GFRA2: variants seen among roughly 807,000 people sequenced by gnomAD.
GFRA2 encodes GDNF family receptor alpha 2.
Under a neutral mutation model 48.3 loss-of-function variants are expected in GFRA2, and 17 were observed. The observed-to-expected ratio is 0.35, with a 90% CI of 0.24 to 0.53. The LOEUF is 0.53. Among genes scored for constraint, GFRA2 ranks in the 20% least tolerant of loss-of-function variants. The pLI, the probability that GFRA2 is intolerant of heterozygous loss-of-function variation, is 0.93. For missense variants in GFRA2, 660 were observed against 637.3 expected, an observed-to-expected ratio of 1.04 and a Z score of -0.38; for synonymous variants, 305 against 257.2, an observed-to-expected ratio of 1.19 and a Z score of -1.78.
intron 2 of GFRA2, among the ~76,000 whole-genome samples, chr8:21,777,881 T>G (rs1806786866): frequency 6.6e-6 from 1 of 152,110 alleles, no homozygotes; most frequent in Non-Finnish European, 1.5e-5. Context: ...ATGGTAGGGG[T>G]GAGCCCGAAT....
intron 3 of GFRA2, among the ~76,000 whole-genome samples, chr8:21,753,023 T>C (rs573808119): frequency 1.5e-4 from 23 of 152,078 alleles, no homozygotes; most frequent in African/African-American, 5.1e-4. Flanking sequence ...CCCATGACAA[T>C]CTTCTCTCAT....
At chr8:21,710,618 G>C (rs1802975148) in intron 4 of GFRA2, among the ~76,000 whole-genome samples, 1 of 152,204 alleles carries the variant, frequency 6.6e-6, no homozygotes, top group Non-Finnish European at 1.5e-5. Flanking sequence ...AGGGCCCCTT[G>C]GCTAGGCCCC....
At chr8:21,742,581 T>C (rs1047126571) in intron 4 of GFRA2, among the ~76,000 whole-genome samples, 30 of 152,268 alleles carry the variant, frequency 2.0e-4, no homozygotes, top group African/African-American at 7.0e-4. Flanking sequence ...TCCATGCCAG[T>C]GAGTGAAAGC....
rs375235798 is a variant in GFRA2 at position 21,704,194 on chromosome 8, C to A, written c.1045+791G>T. On this transcript the variant is annotated intron_variant, in intron 6 of 8. Coordinates refer to ENST00000524240, the MANE Select transcript of GFRA2 (RefSeq NM_001495.5). The stretch of plus-strand genomic sequence containing the variant: ...GCCCAGGGTGGACTGGCAGGCGCCC[C>A]CTGCCTCTTCAACTGACCGATGCCC... 5.7e-3 allele frequency among the ~76,000 whole-genome samples: 862 copies of A among 152,334 alleles called. 8 individuals carry two copies. The highest frequency in any genetic ancestry group is 0.024 in the South Asian group (117 of 4,826).
Position 21,782,869 on chromosome 8 carries a change from GA to G in GFRA2, c.70del (p.Ser24ProfsTer76). Reference sequence around the variant, plus strand: ...GTGGAGCTCGGGGCCCTGCAGGGAGGAAGGGCTGGCCAAAGAGCGGAGGGTC... The same window carrying G: ...GTGGAGCTCGGGGCCCTGCAGGGAGGAGGGCTGGCCAAAGAGCGGAGGGTC... ...DETLRSLASPSSLQGPELHGW... is the reference protein window; with the variant it reads ...DETLRSLASPXSLQGPELHGW... On this transcript the variant is annotated frameshift_variant, in exon 2 of 9. Coordinates refer to ENST00000524240, the MANE Select transcript of GFRA2 (RefSeq NM_001495.5). LOFTEE classifies it high-confidence loss of function. 6.4e-7 allele frequency: 1 copy of G among 1,566,170 alleles called. No individual in the cohort carries two copies. The highest frequency in any genetic ancestry group is 8.6e-7 in the Non-Finnish European group (1 of 1,163,304).
intron 4 of GFRA2, among the ~76,000 whole-genome samples, chr8:21,725,247 T>C (rs1436136687): frequency 6.6e-6 from 1 of 152,266 alleles, no homozygotes; most frequent in African/African-American, 2.4e-5. Flanking sequence ...TGGGTTGTTC[T>C]GATCGAGCTC....
At chr8:21,781,302 T>A (rs1307431558) in intron 2 of GFRA2, among the ~76,000 whole-genome samples, 1 of 152,096 alleles carries the variant, frequency 6.6e-6, no homozygotes, top group African/African-American at 2.4e-5. Context: ...GATCCCTCCC[T>A]GTGCCCCTAA....
At chr8:21,693,799 G>GA (rs1802001978) in intron 8 of GFRA2, among the ~76,000 whole-genome samples, 5 of 148,440 alleles carry the variant, frequency 3.4e-5, no homozygotes, top group Admixed American at 1.3e-4. Context: ...AAGGAGAGAG[G>GA]AAGGGAAGGG....
intron 7 of GFRA2, 82 bp from the exon 8 acceptor site, chr8:21,694,599 C>G: frequency 7.7e-7 from 1 of 1,293,374 alleles, no homozygotes; most frequent in Non-Finnish European, 1.1e-6. Flanking sequence ...GATGAGGCCC[C>G]GCCATGCACT....
chr8:21,804,569 G>A (rs1807826814), intron 2 of GFRA2, among the ~76,000 whole-genome samples: 1 of 152,044 alleles, frequency 6.6e-6, no homozygotes, highest in African/African-American at 2.4e-5. Context: ...TCACACCCCT[G>A]AAGCAGCCCC....
intron 2 of GFRA2, chr8:21,797,785 T>C (rs1585351640): frequency 6.6e-6 from 1 of 152,136 alleles, no homozygotes; most frequent in Non-Finnish European, 1.5e-5. Flanking sequence ...TATGCCAATA[T>C]GGAATTTGCC....
At chr8:21,764,874 A>G (rs1372134586) in intron 3 of GFRA2, among the ~76,000 whole-genome samples, 1 of 152,166 alleles carries the variant, frequency 6.6e-6, no homozygotes, top group Non-Finnish European at 1.5e-5. Flanking sequence ...GCAAAGCTTG[A>G]AAGAGTAGAT....
chr8:21,750,951 G>C lies in GFRA2; in HGVS notation c.440-9C>G. On this transcript the variant is annotated splice_polypyrimidine_tract_variant and intron_variant, in intron 3 of 8. Coordinates refer to ENST00000524240, the MANE Select transcript of GFRA2 (RefSeq NM_001495.5). This position sits in a 1 kb window ranked among gnomAD's most constrained non-coding sequence, Gnocchi z 5.7. ...CGGGTCTGCCCCTGTCCCTGGAGGA[G>C]GAACAAGAGAGCAGGTCAGAGGCCA... The C allele has an allele frequency of 6.3e-7, 1 of 1,594,548 alleles. No individual in the cohort carries two copies. The highest frequency in any genetic ancestry group is 8.6e-7 in the Non-Finnish European group (1 of 1,165,572).
At chr8:21,799,680 C>T (rs1807738629) in intron 2 of GFRA2, among the ~76,000 whole-genome samples, 3 of 152,296 alleles carry the variant, frequency 2.0e-5, no homozygotes, top group South Asian at 4.1e-4. Context: ...ATCCCCTGCC[C>T]ACCACCCTCC....
At chr8:21,795,339 CTGAAACACA>C (rs1383433639) in intron 2 of GFRA2, among the ~76,000 whole-genome samples, 2 of 152,018 alleles carry the variant, frequency 1.3e-5, no homozygotes, top group Non-Finnish European at 2.9e-5. Flanking sequence ...AGACAACAAA[CTGAAACACA>C]TTGTCTTTTT....
chr8:21,781,017 T>C (rs951428950), intron 2 of GFRA2: 2 of 152,008 alleles, frequency 1.3e-5, no homozygotes, highest in African/African-American at 4.8e-5. Flanking sequence ...TCCCAACACT[T>C]AGGGAGGCCG....
At chr8:21,807,303 C>T (rs1807890553) in intron 1 of GFRA2, among the ~76,000 whole-genome samples, 1 of 152,166 alleles carries the variant, frequency 6.6e-6, no homozygotes, top group South Asian at 2.1e-4. Context: ...GTCTTGCTCA[C>T]TCTCACCCTC....
intron 4 of GFRA2, among the ~76,000 whole-genome samples, chr8:21,720,938 C>G (rs1343868400): frequency 6.6e-6 from 1 of 150,558 alleles, no homozygotes; most frequent in Non-Finnish European, 1.5e-5. Context: ...AAAGAAATGC[C>G]TGACACTCAA....
At chr8:21,700,583 T>C (rs1378708971) in intron 7 of GFRA2, among the ~76,000 whole-genome samples, 1 of 152,152 alleles carries the variant, frequency 6.6e-6, no homozygotes, top group Non-Finnish European at 1.5e-5. Flanking sequence ...GCCAACTGGC[T>C]GTGGGGCTGT....
Sources: gnomAD v4.1 joint callset for allele counts (sites outside exome capture counted in the v4.1 genomes callset) on GRCh38, gnomAD v4.1.1 for gene constraint, Gnocchi (gnomAD v3.1) non-coding constraint, MANE v1.5 for transcripts, NCBI Gene and HGNC (gene_info 2026-07-23, HGNC 2026-07-21) for gene names.